ADGRV1: variants seen among roughly 807,000 people sequenced by gnomAD.
ADGRV1 encodes adhesion G protein-coupled receptor V1, also known as G-protein coupled receptor 98.
ADGRV1 carries 359 observed loss-of-function variants against 596.2 expected under a neutral mutation model. The observed-to-expected ratio is 0.60, with a 90% CI of 0.55 to 0.66. ADGRV1 has a LOEUF of 0.66. Ranked by LOEUF, ADGRV1 falls within the 30% of genes least tolerant of loss-of-function variation. ADGRV1 has a pLI of 0.00. For synonymous variants in ADGRV1, 2,681 were observed against 2,679.2 expected (o/e 1.00, Z -0.02); for missense variants, 7,274 against 7,575.6 (o/e 0.96, Z 1.48).
In ADGRV1 at chr5:90,616,306, A is replaced by G. The variant is rs184062073; in HGVS notation, c.207+1287A>G. On this transcript the variant is annotated intron_variant, in intron 2 of 89. Coordinates refer to ENST00000405460, the MANE Select transcript of ADGRV1 (RefSeq NM_032119.4). Reference sequence around the variant, plus strand: ...GATCTCATTTTGATCGCACAAGCTCATGCAGAATCTTACTAATAATACTGA... The same window carrying G: ...GATCTCATTTTGATCGCACAAGCTCGTGCAGAATCTTACTAATAATACTGA... Among the ~76,000 whole-genome samples, 3 of 152,196 alleles carry G rather than the reference A, an allele frequency of 2.0e-5. No homozygotes were observed. The East Asian group carries it at 5.8e-4, about 29-fold the overall frequency.
At chr5:91,035,369 A>G (rs1366846210) in intron 85 of ADGRV1, among the ~76,000 whole-genome samples, 1 of 152,102 alleles carries the variant, frequency 6.6e-6, no homozygotes, top group Non-Finnish European at 1.5e-5. Flanking sequence ...TGAACAAATT[A>G]TTTCCCCAAG....
At chr5:90,926,961 T>C (rs948548667) in intron 83 of ADGRV1, among the ~76,000 whole-genome samples, 30 of 151,928 alleles carry the variant, frequency 2.0e-4, no homozygotes, top group Admixed American at 7.2e-4. Flanking sequence ...AGATTCCTAA[T>C]CCTGAGTTCT....
chr5:90,802,933 T>A, intron 71 of ADGRV1, 51 bp downstream of exon 71: 1 of 1,485,566 alleles, frequency 6.7e-7, no homozygotes, highest in South Asian at 1.4e-5. Context: ...AGGGCAGCTT[T>A]TACAGGAAGG....
intron 10 of ADGRV1, among the ~76,000 whole-genome samples, chr5:90,636,122 A>G (rs570217044): frequency 6.6e-6 from 1 of 152,136 alleles, no homozygotes; most frequent in African/African-American, 2.4e-5. Context: ...ATAGACATAC[A>G]AAACGTTCAC....
intron 76 of ADGRV1, among the ~76,000 whole-genome samples, chr5:90,828,339 AT>A (rs547736616): frequency 1.3e-3 from 201 of 151,874 alleles, no homozygotes; most frequent in Non-Finnish European, 2.0e-3. Flanking sequence ...TTGAAGATCC[AT>A]TTTTTTCCCC....
At chr5:91,046,855 G>GGACAT (rs1478452018) in intron 85 of ADGRV1, among the ~76,000 whole-genome samples, 4 of 152,120 alleles carry the variant, frequency 2.6e-5, no homozygotes, top group Non-Finnish European at 5.9e-5. Flanking sequence ...AGTGGGCTAA[G>GGACAT]GACATGAATA....
intron 72 of ADGRV1, among the ~76,000 whole-genome samples, chr5:90,807,131 G>C (rs780233200): frequency 6.6e-6 from 1 of 152,174 alleles, no homozygotes; most frequent in Non-Finnish European, 1.5e-5. Flanking sequence ...GATTACAGGC[G>C]TGAGCCACTG....
rs201316232 is a variant in ADGRV1, at chr5:90,807,737, G to C, written c.14972G>C (p.Arg4991Pro). 6.5e-7 allele frequency: 1 copy of C among 1,540,794 alleles called. No individual in the cohort carries two copies. Among genetic ancestry groups the C allele is most frequent in the African/African-American group, 1.4e-5 (1 of 72,772 alleles). The change falls in exon 73 of 90, where the codon CGA (arginine) becomes CCA (proline). Residue 4991 changes from arginine (R) to proline (P), a missense_variant and splice_region_variant. By Grantham distance (103) the Arg-to-Pro change is moderately radical. Transcript: ENST00000405460. ...AGTGCTCCTGGCGGAGCTCAACTCC[G>C]GTAAGACCAACCTCATTCTCACCCA... is the stretch of plus-strand genomic sequence containing the variant. ...QSSAPGGAQL[R>P]SGFIVAEIEP... is the part of the protein sequence containing the mutation.
At position 90,692,692 on chromosome 5, in the gene ADGRV1, G is replaced by A. The variant is rs2149632166; in HGVS notation, c.7039G>A (p.Asp2347Asn). The change falls in exon 32 of 90, where the codon GAT becomes AAT. Residue 2347 changes from aspartate (D) to asparagine (N), a missense_variant. Coordinates refer to ENST00000405460, the MANE Select transcript of ADGRV1 (RefSeq NM_032119.4). ...AAATATTATTATTCCTGCCAATGATGATCCTTATGGTACAGTAGCCTTTGC... is the reference window on the plus strand; with the variant it reads ...AAATATTATTATTCCTGCCAATGATAATCCTTATGGTACAGTAGCCTTTGC... ...IANIIIPAND[D>N]PYGTVAFAQM... is the part of the protein sequence containing the mutation. 3 of 1,610,718 alleles carry A rather than the reference G, an allele frequency of 1.9e-6. No homozygotes were observed.
At chr5:90,747,365 C>T (rs1389695584) in intron 52 of ADGRV1, among the ~76,000 whole-genome samples, 4 of 152,044 alleles carry the variant, frequency 2.6e-5, no homozygotes, top group African/African-American at 7.3e-5. Flanking sequence ...CCCACAGTTT[C>T]GATGAGTCAC....
chr5:90,740,453 T>G (rs1753815673), intron 50 of ADGRV1, among the ~76,000 whole-genome samples: 1 of 152,200 alleles, frequency 6.6e-6, no homozygotes, highest in African/African-American at 2.4e-5. Context: ...ATTATCAACA[T>G]GCCGCTATCT....
intron 83 of ADGRV1, among the ~76,000 whole-genome samples, chr5:90,871,832 T>C (rs1768713900): frequency 6.6e-6 from 1 of 152,192 alleles, no homozygotes; most frequent in Admixed American, 6.5e-5. Context: ...TTAGAGAGAC[T>C]GATGGGGTAA....
chr5:90,894,791 T>C (rs1771145111), intron 83 of ADGRV1, among the ~76,000 whole-genome samples: 1 of 150,980 alleles, frequency 6.6e-6, no homozygotes, highest in Non-Finnish European at 1.5e-5. Flanking sequence ...TTCAAGGTGA[T>C]TTTTGATTAA....
chr5:90,848,723 G>A lies in ADGRV1; in HGVS notation c.17106G>A (p.Lys5702=). Residue 5702 remains lysine (K), a synonymous_variant, in exon 79 of 90, where the codon AAG becomes AAA. Transcript: ENST00000405460. The part of the protein sequence containing the change: ...YEILCSLINP[K]RKDTRGFSHF... ...TTCTTTGTTCTCTTATTAACCCAAA[G>A]CGCAAGGACACTAGGGGATTCAGTC... is the stretch of plus-strand genomic sequence containing the variant. 6.3e-7 allele frequency: 1 copy of A among 1,588,680 alleles called. No individual in the cohort carries two copies. Among genetic ancestry groups the A allele is most frequent in the East Asian group, 2.3e-5 (1 of 42,620 alleles).
At chr5:90,693,846 T>C in intron 32 of ADGRV1, 44 bp from the exon 33 acceptor site, 1 of 1,404,804 alleles carries the variant, frequency 7.1e-7, no homozygotes, top group Non-Finnish European at 9.6e-7. Context: ...TTGTAATTAC[T>C]TTGAGTGCTT....
At chr5:91,033,789 C>A (rs913767635) in intron 85 of ADGRV1, among the ~76,000 whole-genome samples, 3 of 152,020 alleles carry the variant, frequency 2.0e-5, no homozygotes, top group East Asian at 1.9e-4. Context: ...TTGTATTATT[C>A]TTATTTATTT....
At chr5:90,694,902 A>G (rs975892943) in intron 33 of ADGRV1, among the ~76,000 whole-genome samples, 13 of 152,202 alleles carry the variant, frequency 8.5e-5, no homozygotes, top group African/African-American at 3.1e-4. Flanking sequence ...CTGTACATAT[A>G]TATCTTTTTA....
intron 83 of ADGRV1, among the ~76,000 whole-genome samples, chr5:90,881,572 T>C (rs1769777586): frequency 6.6e-6 from 1 of 152,170 alleles, no homozygotes; most frequent in Non-Finnish European, 1.5e-5. Context: ...GGCCAGTGGG[T>C]CACAGCAAAG....
At chr5:91,125,756 C>T (rs1204792254) in intron 87 of ADGRV1, among the ~76,000 whole-genome samples, 1 of 152,120 alleles carries the variant, frequency 6.6e-6, no homozygotes, top group Non-Finnish European at 1.5e-5. Context: ...GCATTTTGTG[C>T]TAGAGCTTTT....
Sources: allele counts gnomAD v4.1 joint callset (sites outside exome capture counted in the v4.1 genomes callset), GRCh38; gene constraint gnomAD v4.1.1; transcripts MANE v1.5; gene names NCBI Gene and HGNC (gene_info 2026-07-23, HGNC 2026-07-21).